RALGPS1: variants seen among roughly 807,000 people sequenced by gnomAD.
The protein encoded by RALGPS1 is Ral GEF with PH domain and SH3 binding motif 1, also known as ras-specific guanine nucleotide-releasing factor RalGPS1.
RALGPS1 carries 19 observed loss-of-function variants against 78.8 expected under a neutral mutation model. The observed-to-expected ratio is 0.24, with a 90% CI of 0.17 to 0.35. RALGPS1 has a LOEUF of 0.35. Ranked by LOEUF, RALGPS1 falls within the 10% of genes least tolerant of loss-of-function variation. The probability of loss-of-function intolerance (pLI) is 1.00; values close to 1 mark genes in which losing one functional copy is unlikely to be tolerated. For missense variants in RALGPS1, 454 were observed against 688.3 expected, an observed-to-expected ratio of 0.66 and a Z score of 3.81; for synonymous variants, 228 against 256.3, an observed-to-expected ratio of 0.89 and a Z score of 1.06.
chr9:126,939,964 C>G (rs192565348), intron 1 of RALGPS1, among the ~76,000 whole-genome samples: 34 of 152,208 alleles, frequency 2.2e-4, no homozygotes, highest in Non-Finnish European at 2.5e-4. Flanking sequence ...ACGTTTCATT[C>G]GCCTCTGGGC....
At chr9:127,009,299 C>G (rs1233733087) in intron 4 of RALGPS1, among the ~76,000 whole-genome samples, 1 of 152,128 alleles carries the variant, frequency 6.6e-6, no homozygotes, top group Admixed American at 6.5e-5. Flanking sequence ...TCTTTGTTCC[C>G]CCCTCATCCT....
At chr9:126,952,646 A>AGTGTGT (rs2037933745) in intron 1 of RALGPS1, among the ~76,000 whole-genome samples, 1 of 77,764 alleles carries the variant, frequency 1.3e-5, no homozygotes, top group Non-Finnish European at 3.7e-5. Context: ...AGAGAGAGAG[A>AGTGTGT]GAGAGAGAGA....
intron 8 of RALGPS1, among the ~76,000 whole-genome samples, chr9:127,086,168 C>A (rs1169863113): frequency 1.3e-5 from 2 of 152,118 alleles, no homozygotes; most frequent in Non-Finnish European, 2.9e-5. Context: ...GGCTTCAGTG[C>A]GTATCAGTGC....
intron 11 of RALGPS1, among the ~76,000 whole-genome samples, chr9:127,189,140 A>G (rs1057216025): frequency 1.3e-5 from 2 of 151,940 alleles, no homozygotes; most frequent in Non-Finnish European, 2.9e-5. Context: ...GGCCTCACTC[A>G]GTGAGGTTAC....
intron 1 of RALGPS1, among the ~76,000 whole-genome samples, chr9:126,951,498 G>A (rs930054855): frequency 6.6e-6 from 1 of 151,364 alleles, no homozygotes; most frequent in African/African-American, 2.4e-5. Context: ...TCCCTGGGAT[G>A]CAAGGCTGGT....
At chr9:127,137,000 C>T (rs541505788) in intron 8 of RALGPS1, among the ~76,000 whole-genome samples, 32 of 152,288 alleles carry the variant, frequency 2.1e-4, no homozygotes, top group Non-Finnish European at 4.3e-4. Context: ...ACAGGAATGA[C>T]CCATGTCAGA....
intron 2 of RALGPS1, 146 bp from the exon 3 acceptor site, chr9:126,965,698 G>T: frequency 1.6e-6 from 1 of 613,234 alleles, no homozygotes; most frequent in East Asian, 2.7e-5. Context: ...CATGGTGCCT[G>T]GACTGGGGTA....
intron 11 of RALGPS1, among the ~76,000 whole-genome samples, chr9:127,179,919 T>C (rs1353442220): frequency 6.6e-6 from 1 of 152,152 alleles, no homozygotes; most frequent in African/African-American, 2.4e-5. Context: ...AGGCTGCCCT[T>C]TGTCTCTGGG....
chr9:127,202,178 C>T (rs903210274), intron 14 of RALGPS1, among the ~76,000 whole-genome samples: 5 of 152,206 alleles, frequency 3.3e-5, no homozygotes, highest in African/African-American at 1.2e-4. Flanking sequence ...AGGAAGACCC[C>T]AGGCCAGTTC....
At chr9:127,146,855 T>G (rs1465674875) in intron 8 of RALGPS1, among the ~76,000 whole-genome samples, 1 of 152,202 alleles carries the variant, frequency 6.6e-6, no homozygotes, top group East Asian at 1.9e-4. Flanking sequence ...GAATGTGTCT[T>G]TTTGATAGAA....
At position 127,048,636 on chromosome 9, in the gene RALGPS1, C is replaced by T. The variant is rs141863719; in HGVS notation, c.301-1407C>T. 5.3e-5 allele frequency among the ~76,000 whole-genome samples: 8 copies of T among 152,280 alleles called. No homozygotes were observed. The East Asian group carries it at 5.8e-4, about 11-fold the overall frequency. Reference sequence around the variant, plus strand: ...TCCATGTTCCGTAATATGCCATAAACGTGTGATTCTTTGACATGCAGGAAT... The same window carrying T: ...TCCATGTTCCGTAATATGCCATAAATGTGTGATTCTTTGACATGCAGGAAT... On this transcript the variant is annotated intron_variant, in intron 5 of 18. Coordinates refer to ENST00000259351, the MANE Select transcript of RALGPS1 (RefSeq NM_014636.3).
chr9:127,131,735 AGG>A (rs1249799611), intron 8 of RALGPS1, among the ~76,000 whole-genome samples: 2 of 152,282 alleles, frequency 1.3e-5, no homozygotes, highest in East Asian at 3.9e-4. Flanking sequence ...CTTCATCTGT[AGG>A]ATCATCCTGT....
Position 127,183,507 on chromosome 9 carries a change from C to G in RALGPS1, c.910+8725C>G, listed in dbSNP as rs2060421236. Among the ~76,000 whole-genome samples the G allele has an allele frequency of 6.6e-6, 1 of 152,200 alleles. No individual in the cohort carries two copies. The highest frequency in any genetic ancestry group is 2.1e-4 in the South Asian group (1 of 4,832). ...CGTACCTGTCCTCATTCTAACAGACCTGTGAGCACAACAGACCTGCCTGTG... is the reference window on the plus strand; with the variant it reads ...CGTACCTGTCCTCATTCTAACAGACGTGTGAGCACAACAGACCTGCCTGTG... On this transcript the variant is annotated intron_variant, in intron 11 of 18. Transcript: ENST00000259351. This position sits in a 1 kb window ranked among gnomAD's most constrained non-coding sequence, Gnocchi z 4.0.
At chr9:127,107,603 G>A (rs1383006537) in intron 8 of RALGPS1, among the ~76,000 whole-genome samples, 4 of 152,170 alleles carry the variant, frequency 2.6e-5, no homozygotes, top group African/African-American at 9.7e-5. Flanking sequence ...GCCAACACAC[G>A]GGATCTCATG....
chr9:127,128,843 C>T (rs1000676352), intron 8 of RALGPS1, among the ~76,000 whole-genome samples: 4 of 152,158 alleles, frequency 2.6e-5, no homozygotes, highest in African/African-American at 7.2e-5. Flanking sequence ...ATCCAGGCAC[C>T]GTGCAAAGCC....
intron 10 of RALGPS1, among the ~76,000 whole-genome samples, chr9:127,170,465 T>A (rs747771467): frequency 3.9e-5 from 6 of 152,248 alleles, no homozygotes; most frequent in African/African-American, 7.2e-5. Context: ...TGTTACCCAA[T>A]AGTAACAACA....
At chr9:126,983,887 G>A (rs1307866552) in intron 4 of RALGPS1, among the ~76,000 whole-genome samples, 1 of 151,964 alleles carries the variant, frequency 6.6e-6, no homozygotes, top group Non-Finnish European at 1.5e-5. Flanking sequence ...TGTCCTAGGT[G>A]GTGCTGGGTA....
intron 7 of RALGPS1, among the ~76,000 whole-genome samples, chr9:127,061,715 C>G (rs1342218024): frequency 6.6e-6 from 1 of 152,176 alleles, no homozygotes; most frequent in Non-Finnish European, 1.5e-5. Flanking sequence ...CCTGCAGTTC[C>G]TTCTTTGGGT....
intron 17 of RALGPS1, chr9:127,213,960 G>T (rs1003651988): frequency 3.3e-5 from 5 of 152,252 alleles, no homozygotes; most frequent in African/African-American, 1.2e-4. Context: ...GGAGCCTCCA[G>T]GAGCCTGGAA....
Sources: allele counts gnomAD v4.1 joint callset (sites outside exome capture counted in the v4.1 genomes callset), GRCh38; gene constraint gnomAD v4.1.1; non-coding constraint Gnocchi (gnomAD v3.1); transcripts MANE v1.5; gene names NCBI Gene and HGNC (gene_info 2026-07-23, HGNC 2026-07-21).